Variants in LINGO1 observed in about 807,000 individuals in gnomAD.
The protein encoded by LINGO1 is leucine rich repeat and Ig domain containing 1, also known as leucine-rich repeat and immunoglobulin-like domain-containing nogo receptor-interacting protein 1.
Under a neutral mutation model 37.3 loss-of-function variants are expected in LINGO1, and 11 were observed. The ratio of observed to expected loss-of-function variants is 0.29; its 90% CI spans 0.19 to 0.49. The LOEUF (loss-of-function observed/expected upper bound fraction) is 0.49. Ranked by LOEUF, LINGO1 falls within the 20% of genes least tolerant of loss-of-function variation. LINGO1 has a pLI of 0.99. For synonymous variants in LINGO1, 387 were observed against 403.0 expected, an observed-to-expected ratio of 0.96 and a Z score of 0.48; for missense variants, 585 against 878.2, an observed-to-expected ratio of 0.67 and a Z score of 4.22.
At chr15:77,616,623 T>A (rs2073732030) in intron 1 of LINGO1, among the ~76,000 whole-genome samples, 1 of 152,056 alleles carries the variant, frequency 6.6e-6, no homozygotes, top group South Asian at 2.1e-4. Context: ...CCCTCCCTCC[T>A]CCCCCTGCAC....
intron 3 of LINGO1, among the ~76,000 whole-genome samples, chr15:77,672,553 C>T (rs2075268878): frequency 6.6e-6 from 1 of 152,142 alleles, no homozygotes; most frequent in Admixed American, 6.5e-5. Context: ...CCTCCAGAAT[C>T]CCCTCCTCAC....
intron 3 of LINGO1, among the ~76,000 whole-genome samples, chr15:77,643,706 C>A (rs548233582): frequency 6.6e-6 from 1 of 152,208 alleles, no homozygotes; most frequent in South Asian, 2.1e-4. Flanking sequence ...CAGGGCTTAA[C>A]CCCCAGAGGG....
intron 1 of LINGO1, among the ~76,000 whole-genome samples, chr15:77,817,748 G>T (rs544018317): frequency 3.0e-3 from 460 of 152,222 alleles, no homozygotes; most frequent in African/African-American, 8.7e-3. Context: ...CAAAGACCAG[G>T]GTCAGCGGAT....
intron 1 of LINGO1, among the ~76,000 whole-genome samples, chr15:77,785,910 G>A (rs977311124): frequency 1.3e-5 from 2 of 152,058 alleles, no homozygotes; most frequent in African/African-American, 2.4e-5. Flanking sequence ...ATGATGTGGC[G>A]GCCAACCCCA....
chr15:77,740,221 A>AT (rs1227756623), intron 1 of LINGO1, among the ~76,000 whole-genome samples: 4 of 152,224 alleles, frequency 2.6e-5, no homozygotes, highest in African/African-American at 9.6e-5. Flanking sequence ...AAAAACAAGT[A>AT]TGAGACCGCC....
chr15:77,621,674 C>T (rs899475214), intron 1 of LINGO1, among the ~76,000 whole-genome samples: 30 of 152,186 alleles, frequency 2.0e-4, no homozygotes, highest in African/African-American at 7.0e-4. Context: ...TGCCCCCAAA[C>T]CCGACAAAAG....
At chr15:77,635,108 G>C, upstream of LINGO1, among the ~76,000 whole-genome samples, 1 of 152,136 alleles carries the variant, frequency 6.6e-6, no homozygotes, top group East Asian at 1.9e-4. Flanking sequence ...GGGTATTTTG[G>C]TGCCCACAAT....
intron 1 of LINGO1, among the ~76,000 whole-genome samples, chr15:77,621,924 G>T (rs1181952910): frequency 6.6e-6 from 1 of 152,208 alleles, no homozygotes; most frequent in African/African-American, 2.4e-5. Context: ...ACACAGGCAT[G>T]CGATCTGGCA....
intron 2 of LINGO1, among the ~76,000 whole-genome samples, chr15:77,792,711 C>A (rs2076827686): frequency 6.6e-6 from 1 of 152,230 alleles, no homozygotes; most frequent in South Asian, 2.1e-4. Flanking sequence ...TATCTGGTTT[C>A]TTCTGTCTAC....
intron 3 of LINGO1, among the ~76,000 whole-genome samples, chr15:77,656,463 G>A (rs1015299005): frequency 2.6e-5 from 4 of 152,210 alleles, no homozygotes; most frequent in African/African-American, 9.7e-5. Context: ...ATGCCAGTGT[G>A]CGGGTTCTCA....
rs1225547530 is a variant in LINGO1 at position 77,614,640 on chromosome 15, G to A, written c.1267C>T (p.Arg423Cys). ...GCCTTGCGGTCCCGGATGCGGGCGCGGCGGCAGGTGAAGTAGTTGGGCAGT... is the reference window on the plus strand; with the variant it reads ...GCCTTGCGGTCCCGGATGCGGGCGCAGCGGCAGGTGAAGTAGTTGGGCAGT... ...VLLPNYFTCR[R>C]ARIRDRKAQQ... is the part of the protein sequence containing the mutation. Residue 423 changes from arginine (R) to cysteine (C), a missense_variant, in exon 2 of 2, where the codon CGC (arginine) becomes TGC (cysteine). This residue lies in a region of LINGO1 where 484 missense variants were observed against 735.0 expected (regional missense o/e 0.66). Coordinates refer to ENST00000355300, the MANE Select transcript of LINGO1 (RefSeq NM_032808.7). 1 of 1,611,484 alleles carries A rather than the reference G, an allele frequency of 6.2e-7. No homozygotes were observed. Among genetic ancestry groups the A allele is most frequent in the South Asian group, 1.1e-5 (1 of 90,756 alleles).
intron 3 of LINGO1, among the ~76,000 whole-genome samples, chr15:77,666,132 GTGAA>G (rs1466374422): frequency 2.0e-5 from 3 of 151,968 alleles, no homozygotes; most frequent in African/African-American, 4.8e-5. Flanking sequence ...GAATGAATGA[GTGAA>G]TGAATGAATG....
chr15:77,629,617 C>T (rs929807524), intron 1 of LINGO1, among the ~76,000 whole-genome samples: 13 of 152,196 alleles, frequency 8.5e-5, no homozygotes, highest in Admixed American at 2.6e-4. Context: ...TTGACATCAT[C>T]TAGCTCTGTG....
chr15:77,771,150 G>T (rs1462600982), intron 1 of LINGO1, among the ~76,000 whole-genome samples: 1 of 152,184 alleles, frequency 6.6e-6, no homozygotes, highest in Non-Finnish European at 1.5e-5. Flanking sequence ...AGCTCTTAAG[G>T]TTCCTCCCGA....
chr15:77,728,185 C>T (rs778873113), intron 2 of LINGO1, among the ~76,000 whole-genome samples: 4 of 152,204 alleles, frequency 2.6e-5, no homozygotes, highest in Admixed American at 6.5e-5. Context: ...CCAGGTCTGG[C>T]GGTGATCGAT....
chr15:77,712,707 T>G (rs2075933620), intron 2 of LINGO1, among the ~76,000 whole-genome samples: 1 of 152,150 alleles, frequency 6.6e-6, no homozygotes, highest in Non-Finnish European at 1.5e-5. Flanking sequence ...CCTCACTTTG[T>G]TTTCACTGGG....
At chr15:77,646,420 AG>A in intron 3 of LINGO1, 1 of 455,644 alleles carries the variant, frequency 2.2e-6, no homozygotes, top group Non-Finnish European at 4.4e-6. Flanking sequence ...CAAGACGGCT[AG>A]GGGGCAGGGA....
chr15:77,738,819 G>A (rs1052372126), intron 1 of LINGO1, among the ~76,000 whole-genome samples: 6 of 150,220 alleles, frequency 4.0e-5, no homozygotes, highest in African/African-American at 7.3e-5. Context: ...AAGGAAAGAA[G>A]GAAGGAAGGA....
At position 77,719,790 on chromosome 15, in the gene LINGO1, TCACA is replaced by T. The variant is rs555595774; in HGVS notation, c.-195+15198_-195+15201del. Among the ~76,000 whole-genome samples the T allele has an allele frequency of 2.8e-3, 294 of 104,208 alleles. 6 individuals carry two copies. Among genetic ancestry groups the T allele is most frequent in the African/African-American group, 8.1e-3 (280 of 34,566 alleles). The allele number at this position is 104,208 out of a possible 152,430, so 68.4% of individuals were successfully genotyped here. A position where few individuals can be genotyped will look rare whatever the true frequency, so the allele number is the denominator to read the frequency against. Reference sequence around the variant, plus strand: ...CACTCACACATACACAAACTCACATTCACACACACACGCACACTCACACGCTTTC... The same window carrying T: ...CACTCACACATACACAAACTCACATTCACACACGCACACTCACACGCTTTC... On this transcript the variant is annotated intron_variant, in intron 2 of 3. Transcript: ENST00000561686.
Sources: gnomAD v4.1 joint callset for allele counts (sites outside exome capture counted in the v4.1 genomes callset) on GRCh38, gnomAD v4.1.1 for gene constraint, gnomAD v4.1.1 regional missense constraint, MANE v1.5 for transcripts, NCBI Gene and HGNC (gene_info 2026-07-23, HGNC 2026-07-21) for gene names.